Variants in SH3GL2 observed in about 807,000 individuals in gnomAD.
The protein encoded by SH3GL2 is SH3 domain containing GRB2 like 2, endophilin A1.
SH3GL2 carries 24 observed loss-of-function variants against 46.0 expected under a neutral mutation model. The ratio of observed to expected loss-of-function variants is 0.52; its 90% confidence interval spans 0.38 to 0.73. The LOEUF (loss-of-function observed/expected upper bound fraction) is 0.73. SH3GL2 is among the 30% of genes least tolerant of loss of function. The pLI is 0.00. For synonymous variants in SH3GL2, 196 were observed against 147.1 expected (o/e 1.33, Z -2.40); for missense variants, 413 against 424.2 (o/e 0.97, Z 0.23).
intron 1 of SH3GL2, among the ~76,000 whole-genome samples, chr9:17,674,114 T>A (rs192041540): frequency 8.3e-4 from 126 of 152,372 alleles, no homozygotes; most frequent in Non-Finnish European, 1.6e-3. Flanking sequence ...GCAAGAAATG[T>A]CTTTGCCTTT....
chr9:17,603,841 G>C (rs1818713761), intron 1 of SH3GL2, among the ~76,000 whole-genome samples: 2 of 151,964 alleles, frequency 1.3e-5, no homozygotes, highest in Admixed American at 1.3e-4. Context: ...CTCCAGCCTG[G>C]GCAACAAGAG....
At chr9:17,725,212 C>T (rs975222800) in intron 1 of SH3GL2, among the ~76,000 whole-genome samples, 5 of 152,024 alleles carry the variant, frequency 3.3e-5, no homozygotes, top group South Asian at 2.1e-4. Context: ...GATCTGTGTA[C>T]GACTTGGGAA....
chr9:17,639,847 A>G (rs1819632783), intron 1 of SH3GL2, among the ~76,000 whole-genome samples: 1 of 152,218 alleles, frequency 6.6e-6, no homozygotes, highest in African/African-American at 2.4e-5. Flanking sequence ...TGAAACTTTT[A>G]AAAGTTATGC....
chr9:17,684,071 A>C (rs993815127), intron 1 of SH3GL2, among the ~76,000 whole-genome samples: 5 of 152,140 alleles, frequency 3.3e-5, no homozygotes, highest in African/African-American at 9.7e-5. Flanking sequence ...GTGAGGTAAA[A>C]CAACACACAT....
rs184808840 is a variant in SH3GL2, at chr9:17,680,699, C to A, written c.46-66367C>A. ...TTTGAGTGTGTTTGCTGTTGCTTCTCTAGTTCTTTTAATTGTGATGTTAGG... is the reference window on the plus strand; with the variant it reads ...TTTGAGTGTGTTTGCTGTTGCTTCTATAGTTCTTTTAATTGTGATGTTAGG... On this transcript the variant is annotated intron_variant, in intron 1 of 8. Transcript: ENST00000380607. Among the ~76,000 whole-genome samples the A allele has an allele frequency of 3.0e-4, 46 of 152,170 alleles. 1 individual carries two copies. The highest frequency in any genetic ancestry group is 1.1e-3 in the African/African-American group (45 of 41,528).
chr9:17,621,559 A>C (rs144020482), intron 1 of SH3GL2, among the ~76,000 whole-genome samples: 108 of 152,318 alleles, frequency 7.1e-4, no homozygotes, highest in African/African-American at 2.4e-3. Flanking sequence ...TTACAGATAT[A>C]ATCAGATAAG....
chr9:17,598,032 T>C (rs1314301077), intron 1 of SH3GL2, among the ~76,000 whole-genome samples: 1 of 152,154 alleles, frequency 6.6e-6, no homozygotes, highest in East Asian at 1.9e-4. Context: ...AAATATATAA[T>C]TAGAATTTGT....
At chr9:17,594,215 C>T (rs1438301363) in intron 1 of SH3GL2, among the ~76,000 whole-genome samples, 1 of 152,280 alleles carries the variant, frequency 6.6e-6, no homozygotes, top group Non-Finnish European at 1.5e-5. Flanking sequence ...CACTCTCACA[C>T]TCTAAATGTG....
At chr9:17,692,180 G>A (rs1469907938) in intron 1 of SH3GL2, among the ~76,000 whole-genome samples, 1 of 151,954 alleles carries the variant, frequency 6.6e-6, no homozygotes, top group African/African-American at 2.4e-5. Context: ...AAAAGTAGAG[G>A]GTGCTTGCTA....
intron 1 of SH3GL2, among the ~76,000 whole-genome samples, chr9:17,746,099 C>T (rs936049622): frequency 6.6e-6 from 1 of 152,074 alleles, no homozygotes; most frequent in African/African-American, 2.4e-5. Flanking sequence ...TTTTTTGAGA[C>T]AGAGTCTCGC....
chr9:17,598,886 G>A (rs963771490), intron 1 of SH3GL2, among the ~76,000 whole-genome samples: 1 of 152,286 alleles, frequency 6.6e-6, no homozygotes. Context: ...GGTATTAATG[G>A]TGGAGGCAGA....
rs916148552 is a variant in SH3GL2, at chr9:17,750,433, C to T, written c.114+3299C>T. On this transcript the variant is annotated intron_variant, in intron 2 of 8. Transcript: ENST00000380607. ...ATCAGCCGCCCCAGCCACTCTGTGGCTGAGATGCAGTAAAATCATCATGTG... is the reference window on the plus strand; with the variant it reads ...ATCAGCCGCCCCAGCCACTCTGTGGTTGAGATGCAGTAAAATCATCATGTG... 2.3e-4 allele frequency among the ~76,000 whole-genome samples: 35 copies of T among 152,172 alleles called. No individual in the cohort carries two copies. The South Asian group carries it at 7.3e-3, about 32-fold the overall frequency.
At chr9:17,708,565 G>A (rs1045477433) in intron 1 of SH3GL2, among the ~76,000 whole-genome samples, 7 of 151,862 alleles carry the variant, frequency 4.6e-5, no homozygotes, top group Admixed American at 2.0e-4. Context: ...ATACGATTGC[G>A]TTATACTTTA....
chr9:17,699,589 T>G, intron 1 of SH3GL2, among the ~76,000 whole-genome samples: 1 of 152,182 alleles, frequency 6.6e-6, no homozygotes, highest in Non-Finnish European at 1.5e-5. Flanking sequence ...GCCCTCAGCC[T>G]TACTACCATG....
At chr9:17,712,943 C>G (rs1210577421) in intron 1 of SH3GL2, among the ~76,000 whole-genome samples, 2 of 147,550 alleles carry the variant, frequency 1.4e-5, no homozygotes, top group East Asian at 2.0e-4. Flanking sequence ...TGTGAACATT[C>G]TTGCCGTGTT....
intron 2 of SH3GL2, chr9:17,755,891 A>G (rs1007016510): frequency 8.1e-5 from 29 of 356,336 alleles, no homozygotes; most frequent in Middle Eastern, 1.3e-3. Context: ...CATGCCTTCT[A>G]TTCTTTAGTA....
intron 1 of SH3GL2, among the ~76,000 whole-genome samples, chr9:17,681,340 T>A (rs1435179155): frequency 6.6e-6 from 1 of 152,170 alleles, no homozygotes; most frequent in Non-Finnish European, 1.5e-5. Flanking sequence ...TTGTCCTTTT[T>A]TGTTCTCTTT....
At chr9:17,787,214 C>T (rs1823984677) in intron 4 of SH3GL2, among the ~76,000 whole-genome samples, 166 bp from the exon 5 acceptor site, 1 of 152,122 alleles carries the variant, frequency 6.6e-6, no homozygotes, top group Non-Finnish European at 1.5e-5. Flanking sequence ...TCTTAGGGGG[C>T]ATTGAGTCTG....
intron 1 of SH3GL2, among the ~76,000 whole-genome samples, chr9:17,700,161 C>G (rs966754950): frequency 6.6e-6 from 1 of 152,188 alleles, no homozygotes; most frequent in African/African-American, 2.4e-5. Context: ...CAGGATCCAT[C>G]TGCTAGGGAT....
Sources: gnomAD v4.1 joint callset for allele counts (sites outside exome capture counted in the v4.1 genomes callset) on GRCh38, gnomAD v4.1.1 for gene constraint, MANE v1.5 for transcripts, NCBI Gene and HGNC (gene_info 2026-07-23, HGNC 2026-07-21) for gene names.